Variants in CFTR observed in about 807,000 individuals in gnomAD.
CFTR encodes cystic fibrosis transmembrane conductance regulator.
CFTR carries 181 observed loss-of-function variants against 171.6 expected under a neutral mutation model. The observed-to-expected ratio is 1.05, with a 90% CI of 0.93 to 1.19. The LOEUF (loss-of-function observed/expected upper bound fraction) is 1.19, where lower values mean the gene tolerates loss of function less well. Among genes scored for constraint, CFTR ranks in the 50% most tolerant of loss-of-function variants. CFTR has a pLI of 0.00. For missense variants in CFTR, 1,968 were observed against 1,734.7 expected (o/e 1.13, Z -2.39); for synonymous variants, 583 against 608.0 (o/e 0.96, Z 0.60).
At chr7:117,480,866 T>A (rs759932741) in intron 1 of CFTR, among the ~76,000 whole-genome samples, 72 of 152,362 alleles carry the variant, frequency 4.7e-4, no homozygotes, top group Non-Finnish European at 7.8e-4. Context: ...TGAGATTTTT[T>A]AAAATAGCAT....
chr7:117,572,104 C>A (rs911312784), intron 11 of CFTR, among the ~76,000 whole-genome samples: 2 of 152,080 alleles, frequency 1.3e-5, no homozygotes, highest in African/African-American at 4.8e-5. Context: ...CGGGTTCAAG[C>A]GATTCTCCTG....
intron 10 of CFTR, among the ~76,000 whole-genome samples, chr7:117,549,725 T>C (rs1799236088): frequency 6.6e-6 from 1 of 152,128 alleles, no homozygotes; most frequent in South Asian, 2.1e-4. Flanking sequence ...AAAAGTTTAG[T>C]GGTCTCTTGA....
In CFTR at chr7:117,574,901, A is replaced by G. The variant is rs141952948; in HGVS notation, c.1585-12838A>G. Reference sequence around the variant, plus strand: ...CTTCTTGGCTACGGTTATCTTTTTGAGATCTAGCTATGCTGCTGGTATGTA... The same window carrying G: ...CTTCTTGGCTACGGTTATCTTTTTGGGATCTAGCTATGCTGCTGGTATGTA... On this transcript the variant is annotated intron_variant, in intron 11 of 26. Transcript: ENST00000003084. Among the ~76,000 whole-genome samples the G allele has an allele frequency of 5.3e-5, 8 of 152,090 alleles. No homozygotes were observed. The East Asian group carries it at 1.5e-3, about 29-fold the overall frequency.
chr7:117,523,773 A>G (rs1465265092), intron 3 of CFTR, among the ~76,000 whole-genome samples: 3 of 152,234 alleles, frequency 2.0e-5, no homozygotes, highest in African/African-American at 7.2e-5. Context: ...AATTCAGCAA[A>G]TAAGTCTGTT....
chr7:117,497,725 A>G (rs1027956575), intron 1 of CFTR, among the ~76,000 whole-genome samples: 3 of 152,180 alleles, frequency 2.0e-5, no homozygotes, highest in Admixed American at 6.5e-5. Flanking sequence ...ATGTTGAGAA[A>G]GAAAAAGTGA....
At chr7:117,602,595 T>G (rs558191145) in intron 15 of CFTR, among the ~76,000 whole-genome samples, 1 of 152,308 alleles carries the variant, frequency 6.6e-6, no homozygotes, top group South Asian at 2.1e-4. Flanking sequence ...AGAATTTACT[T>G]CAGTGAAATT....
intron 11 of CFTR, among the ~76,000 whole-genome samples, chr7:117,577,521 T>C (rs1034559349): frequency 2.6e-5 from 4 of 152,158 alleles, no homozygotes; most frequent in Admixed American, 2.6e-4. Flanking sequence ...ATGGGATATA[T>C]GATAAGCATT....
Position 117,603,603 on chromosome 7 carries a change from C to G in CFTR, c.2729C>G (p.Thr910Ser), listed in dbSNP as rs1303696796. The change falls in exon 17 of 27, where the codon ACC becomes AGC. Residue 910 changes from threonine to serine, a missense_variant. Physicochemically the swap from Thr to Ser is moderately conservative, Grantham distance 58. Transcript: ENST00000003084. Reference sequence around the variant, plus strand: ...AGCTATGCAGTGATTATCACCAGCACCAGTTCGTATTATGTGTTTTACATT... The same window carrying G: ...AGCTATGCAGTGATTATCACCAGCAGCAGTTCGTATTATGTGTTTTACATT... ...NNSYAVIITS[T>S]SSYYVFYIYV... is the part of the protein sequence containing the mutation. The G allele has an allele frequency of 1.2e-6, 2 of 1,614,002 alleles. No individual in the cohort carries two copies. The highest frequency in any genetic ancestry group is 1.7e-6 in the Non-Finnish European group (2 of 1,179,904).
chr7:117,584,488 T>C (rs1791899564), intron 11 of CFTR, among the ~76,000 whole-genome samples: 1 of 152,116 alleles, frequency 6.6e-6, no homozygotes, highest in African/African-American at 2.4e-5. Context: ...CTTTAAGTAT[T>C]TGGCTTTATT....
chr7:117,531,524 A>T (rs1798866689), intron 4 of CFTR, among the ~76,000 whole-genome samples: 1 of 152,200 alleles, frequency 6.6e-6, no homozygotes, highest in Non-Finnish European at 1.5e-5. Flanking sequence ...CCCAAACAAC[A>T]AAAGATTTCA....
intron 1 of CFTR, among the ~76,000 whole-genome samples, chr7:117,487,208 T>G (rs1487505441): frequency 6.6e-6 from 1 of 152,112 alleles, no homozygotes; most frequent in Non-Finnish European, 1.5e-5. Context: ...ATTTAGAGCT[T>G]AGTCTTAGGT....
chr7:117,530,841 C>T (rs1302825243), intron 3 of CFTR, 58 bp from the exon 4 acceptor site: 9 of 1,168,916 alleles, frequency 7.7e-6, no homozygotes, highest in Admixed American at 1.8e-5. Context: ...TTGAAATTCT[C>T]AGGGTATTTT....
At chr7:117,562,261 A>G (rs1354947307) in intron 11 of CFTR, among the ~76,000 whole-genome samples, 1 of 152,170 alleles carries the variant, frequency 6.6e-6, no homozygotes, top group Non-Finnish European at 1.5e-5. Flanking sequence ...CCCCTGAGAG[A>G]CAGTTCTTAT....
intron 3 of CFTR, 49 bp downstream of exon 3, chr7:117,509,191 T>C (rs1798474042): frequency 9.0e-7 from 1 of 1,106,618 alleles, no homozygotes; most frequent in East Asian, 2.4e-5. Context: ...ACTATATTCA[T>C]TTTTGTGATT....
Position 117,480,042 on chromosome 7 carries a change from T to G in CFTR, c.-53T>G. On this transcript the variant is annotated 5_prime_UTR_variant, in exon 1 of 27. Coordinates refer to ENST00000003084, the MANE Select transcript of CFTR (RefSeq NM_000492.4). ...CACCCAGAGTAGTAGGTCTTTGGCATTAGGAGCTTGAGCCCAGACGGCCCT... is the reference window on the plus strand; with the variant it reads ...CACCCAGAGTAGTAGGTCTTTGGCAGTAGGAGCTTGAGCCCAGACGGCCCT... 6.4e-7 allele frequency: 1 copy of G among 1,555,238 alleles called. No individual in the cohort carries two copies. The highest frequency in any genetic ancestry group is 1.4e-5 in the African/African-American group (1 of 73,912).
At position 117,506,376 on chromosome 7, in the gene CFTR, A is replaced by G. The variant is rs967730824; in HGVS notation, c.164+2013A>G. On this transcript the variant is annotated intron_variant, in intron 2 of 26. Transcript: ENST00000003084. ...ATTCTCCTGCCTCAGCCTCTCGAGT[A>G]GCTGGGTTTACAGGCACTCGCCACA... 3.3e-5 allele frequency among the ~76,000 whole-genome samples: 5 copies of G among 152,180 alleles called. No individual in the cohort carries two copies. In the South Asian group the frequency reaches 1.0e-3, roughly 32 times the overall value.
At chr7:117,481,958 A>AACCC (rs1798006294) in intron 1 of CFTR, among the ~76,000 whole-genome samples, 1 of 152,072 alleles carries the variant, frequency 6.6e-6, no homozygotes, top group Non-Finnish European at 1.5e-5. Flanking sequence ...AAATTTGGAG[A>AACCC]CTGTCATAGG....
chr7:117,647,694 AT>A (rs931121923), intron 23 of CFTR, among the ~76,000 whole-genome samples: 8 of 101,992 alleles, frequency 7.8e-5, no homozygotes, highest in African/African-American at 3.2e-4. Context: ...AAAAAAAAAA[AT>A]TTTTTTTTTA....
At chr7:117,599,475 A>G (rs1316834394) in intron 15 of CFTR, among the ~76,000 whole-genome samples, 1 of 152,150 alleles carries the variant, frequency 6.6e-6, no homozygotes, top group Admixed American at 6.5e-5. Flanking sequence ...CTAAATTACA[A>G]CAGAGAATAT....
Sources: allele counts gnomAD v4.1 joint callset (sites outside exome capture counted in the v4.1 genomes callset), GRCh38; gene constraint gnomAD v4.1.1; transcripts MANE v1.5; gene names NCBI Gene and HGNC (gene_info 2026-07-23, HGNC 2026-07-21).